Variants in PCDHA8 observed in about 807,000 individuals in gnomAD.
PCDHA8 encodes protocadherin alpha-8.
A neutral mutation model predicts 61.8 loss-of-function variants in PCDHA8; 53 were observed. The observed-to-expected ratio is 0.86, with a 90% CI of 0.69 to 1.08. The LOEUF is 1.08. Among genes scored for constraint, PCDHA8 ranks in the 50% least tolerant of loss-of-function variants. The pLI is 0.00. For synonymous variants in PCDHA8, 618 were observed against 556.6 expected, an observed-to-expected ratio of 1.11 and a Z score of -1.55; for missense variants, 1,293 against 1,245.0, an observed-to-expected ratio of 1.04 and a Z score of -0.58.
intron 3 of PCDHA8, among the ~76,000 whole-genome samples, chr5:141,005,605 G>A (rs1366861614): frequency 7.3e-5 from 11 of 150,146 alleles, no homozygotes; most frequent in African/African-American, 2.7e-4. Context: ...AGGAGGCTGA[G>A]GCAGGAGAAT....
At chr5:141,001,216 G>A (rs938133871) in intron 3 of PCDHA8, among the ~76,000 whole-genome samples, 3 of 152,082 alleles carry the variant, frequency 2.0e-5, no homozygotes, top group African/African-American at 7.2e-5. Context: ...GCTGTATAAG[G>A]ATAGTTACAT....
Position 140,856,078 on chromosome 5 carries a change from C to T in PCDHA8, c.2394+12363C>T, listed in dbSNP as rs145849392. On this transcript the variant is annotated intron_variant, in intron 1 of 3. Transcript: ENST00000531613. The stretch of plus-strand genomic sequence containing the variant: ...TTTCCAGATGTAGCTGCCTGGGGGT[C>T]CAGTGTCTGCTGCTCTCGCTTCTTC... 1.4e-3 allele frequency: 2,214 copies of T among 1,594,016 alleles called. 201 individuals are homozygous for T. The highest frequency in any genetic ancestry group is 4.0e-3 in the Admixed American group (234 of 58,882).
rs1554263082 is a variant in PCDHA8 at position 141,010,709 on chromosome 5, TG to T, written c.*773del. 2 of 154,830 alleles carry T rather than the reference TG, an allele frequency of 1.3e-5. No individual in the cohort carries two copies. Among genetic ancestry groups the T allele is most frequent in the African/African-American group, 2.4e-5 (1 of 41,516 alleles). The allele number at this position is 154,830 out of a possible 1,614,324, so 9.6% of individuals were successfully genotyped here. On this transcript the variant is annotated 3_prime_UTR_variant, in exon 4 of 4. Transcript: ENST00000531613. Reference sequence around the variant, plus strand: ...TCTGATGTGTTTCCTATACATGTCCTGTGCTCACTTTATTAAAAATTCTTTT... The same window carrying T: ...TCTGATGTGTTTCCTATACATGTCCTTGCTCACTTTATTAAAAATTCTTTT...
intron 1 of PCDHA8, among the ~76,000 whole-genome samples, chr5:140,917,287 G>C (rs190210744): frequency 6.8e-6 from 1 of 147,568 alleles, no homozygotes; most frequent in Non-Finnish European, 1.5e-5. Context: ...ACGCTTTTCC[G>C]TGTGCAGATA....
chr5:140,963,770 C>T (rs1296794666), intron 1 of PCDHA8, among the ~76,000 whole-genome samples: 2 of 152,176 alleles, frequency 1.3e-5, no homozygotes, highest in Non-Finnish European at 2.9e-5. Context: ...TATTTCATGA[C>T]GACAGCAACA....
intron 1 of PCDHA8, among the ~76,000 whole-genome samples, chr5:140,938,996 A>C (rs1212565184): frequency 2.6e-5 from 4 of 152,206 alleles, no homozygotes; most frequent in Non-Finnish European, 4.4e-5. Context: ...TTATATAGTA[A>C]GTTAAGAAGT....
intron 1 of PCDHA8, chr5:140,882,602 A>T: frequency 6.2e-7 from 1 of 1,614,276 alleles, no homozygotes; most frequent in Non-Finnish European, 8.5e-7. Flanking sequence ...GATCGTGGAC[A>T]GGCCTCTGCA....
At chr5:140,871,639 A>T in intron 1 of PCDHA8, 1 of 1,347,750 alleles carries the variant, frequency 7.4e-7, no homozygotes, top group East Asian at 2.5e-5. Context: ...CTGTTCATAA[A>T]ATACCAAATG....
At chr5:140,937,945 G>T (rs1464890227) in intron 1 of PCDHA8, among the ~76,000 whole-genome samples, 1 of 151,840 alleles carries the variant, frequency 6.6e-6, no homozygotes, top group Non-Finnish European at 1.5e-5. Context: ...TTGATAATTG[G>T]CTTTTGTTGA....
chr5:140,905,864 A>C (rs265313), intron 1 of PCDHA8, among the ~76,000 whole-genome samples: 7,097 of 152,260 alleles, frequency 0.047, 295 homozygotes, highest in African/African-American at 0.11. Context: ...AACTCACACA[A>C]TCACAAGGCC....
intron 1 of PCDHA8, among the ~76,000 whole-genome samples, chr5:140,974,660 C>T (rs529524485): frequency 2.6e-5 from 4 of 152,116 alleles, no homozygotes; most frequent in South Asian, 2.1e-4. Flanking sequence ...TACAGGCATG[C>T]GCCACCATGC....
intron 1 of PCDHA8, chr5:140,857,362 C>A: frequency 1.3e-6 from 2 of 1,598,452 alleles, no homozygotes. Flanking sequence ...GGGCCACGGC[C>A]AGCGTGTCTG....
intron 1 of PCDHA8, among the ~76,000 whole-genome samples, chr5:140,941,202 CCTTTCTTTCTTCCTTTCTTT>C (rs1442425625): frequency 7.3e-5 from 9 of 122,742 alleles, no homozygotes; most frequent in Non-Finnish European, 1.3e-4. Context: ...TTTCTTTCTT[CCTTTCTTTCTTCCTTTCTTT>C]CTTTCTTTCT....
At chr5:140,966,972 T>G (rs1554229007) in intron 1 of PCDHA8, 1 of 1,602,828 alleles carries the variant, frequency 6.2e-7, no homozygotes, top group African/African-American at 1.3e-5. Flanking sequence ...GGGCTTGAGC[T>G]GCGGCGCTTG....
chr5:140,870,766 C>G, intron 1 of PCDHA8: 3 of 1,613,562 alleles, frequency 1.9e-6, no homozygotes, highest in South Asian at 1.1e-5. Context: ...GGTGTTCGTG[C>G]TGGACGAGAA....
At chr5:140,869,986 G>T (rs781968863) in intron 1 of PCDHA8, 4 of 1,613,322 alleles carry the variant, frequency 2.5e-6, no homozygotes, top group Admixed American at 1.7e-5. Context: ...ATTTACACTA[G>T]ATCAAAATAA....
At position 140,843,461 on chromosome 5, in the gene PCDHA8, A is replaced by C. The variant is rs1476836171; in HGVS notation, c.2140A>C (p.Thr714Pro). The change falls in exon 1 of 4, where the codon ACG becomes CCG. Residue 714 changes from threonine to proline, a missense_variant. Thr to Pro is a conservative substitution (Grantham distance 38). Transcript: ENST00000531613. ...CGCGGTATCCAGCCTGCTGGTGCTC[A>C]CGCTGCTGCTGTACACTGCGCTGCG... ...ICAVSSLLVLTLLLYTALRCS... is the reference protein window; with the variant it reads ...ICAVSSLLVLPLLLYTALRCS... The C allele has an allele frequency of 1.3e-6, 2 of 1,595,756 alleles. No homozygotes were observed. The highest frequency in any genetic ancestry group is 2.7e-5 in the African/African-American group (2 of 74,348).
Position 140,857,399 on chromosome 5 carries a change from G to A in PCDHA8, c.2394+13684G>A, listed in dbSNP as rs375062704. ...GGAGGTGGCCGACGTGAACGACAAC[G>A]CGCCTGCGTTCGCGCAGTCCGAGTA... On this transcript the variant is annotated intron_variant, in intron 1 of 3. Coordinates refer to ENST00000531613, the MANE Select transcript of PCDHA8 (RefSeq NM_018911.3). 3 of 1,598,394 alleles carry A rather than the reference G, an allele frequency of 1.9e-6. No homozygotes were observed. In the African/African-American group the frequency reaches 4.0e-5, roughly 21 times the overall value.
rs2043502208 is a variant in PCDHA8 at position 140,855,508 on chromosome 5, C to T, written c.2394+11793C>T. ...AGTGTCTAAATAAACCTTATTAAATCTCAAAATAATGAGAAAGAGAAGTAA... is the reference window on the plus strand; with the variant it reads ...AGTGTCTAAATAAACCTTATTAAATTTCAAAATAATGAGAAAGAGAAGTAA... On this transcript the variant is annotated intron_variant, in intron 1 of 3. Transcript: ENST00000531613. 1.3e-5 allele frequency among the ~76,000 whole-genome samples: 2 copies of T among 149,732 alleles called. 1 individual carries two copies. The highest frequency in any genetic ancestry group is 3.0e-5 in the Non-Finnish European group (2 of 67,030).
Sources: gnomAD v4.1 joint callset for allele counts (sites outside exome capture counted in the v4.1 genomes callset) on GRCh38, gnomAD v4.1.1 for gene constraint, MANE v1.5 for transcripts, NCBI Gene and HGNC (gene_info 2026-07-23, HGNC 2026-07-21) for gene names.